The following NECAB2 variants were observed in gnomAD, a reference collection of about 807,000 sequenced individuals.
NECAB2 encodes N-terminal EF-hand calcium binding protein 2.
In NECAB2, 68 loss-of-function variants were observed where a neutral mutation model predicts 51.9. That is an observed-to-expected ratio of 1.31 (90% CI 1.08 to 1.60). The LOEUF (loss-of-function observed/expected upper bound fraction) is 1.60. Ranked by LOEUF, NECAB2 falls within the 40% of genes most tolerant of loss-of-function variation. The pLI is 0.00. For missense variants in NECAB2, 854 were observed against 490.3 expected (o/e 1.74, Z -7.00); for synonymous variants, 329 against 203.5 (o/e 1.62, Z -5.25).
At chr16:83,972,551 C>T (rs1051177555) in intron 2 of NECAB2, among the ~76,000 whole-genome samples, 5 of 152,232 alleles carry the variant, frequency 3.3e-5, no homozygotes, top group African/African-American at 7.2e-5. Flanking sequence ...GCCAGCCTCA[C>T]GCTAGGCCCT....
rs149816091 is a variant in NECAB2 at position 83,991,427 on chromosome 16, C to T, written c.596+797C>T. On this transcript the variant is annotated intron_variant, in intron 6 of 12. Transcript: ENST00000305202. ...TGTCACCCAGGCTGGAGTGCAGTGG[C>T]GAGATCTCAGCTCACTGCAACGTCC... Among the ~76,000 whole-genome samples the T allele has an allele frequency of 4.8e-3, 659 of 138,458 alleles. 7 individuals carry two copies. Among genetic ancestry groups the T allele is most frequent in the African/African-American group, 0.018 (631 of 34,718 alleles). The allele number at this position is 138,458 out of a possible 152,430, so 90.8% of individuals were successfully genotyped here.
In NECAB2 at chr16:84,001,845, G is replaced by C; in HGVS notation, c.1061G>C (p.Cys354Ser). 6.2e-7 allele frequency: 1 copy of C among 1,614,120 alleles called. No individual in the cohort carries two copies. Among genetic ancestry groups the C allele is most frequent in the Non-Finnish European group, 8.5e-7 (1 of 1,179,984 alleles). Residue 354 changes from cysteine (C) to serine (S), a missense_variant, in exon 12 of 13, where the codon TGT (cysteine) becomes TCT (serine). Transcript: ENST00000305202. Reference sequence around the variant, plus strand: ...CACAGGCACCTGCAGAGCCCCCTGTGTAAGGCGTTCCGGCACGTCAAGGTG... The same window carrying C: ...CACAGGCACCTGCAGAGCCCCCTGTCTAAGGCGTTCCGGCACGTCAAGGTG... ...AWKRHLQSPLCKAFRHVKVDT... is the reference protein window; with the variant it reads ...AWKRHLQSPLSKAFRHVKVDT...
At chr16:83,965,509 C>T (rs371152968), upstream of NECAB2, 8 of 1,612,098 alleles carry the variant, frequency 5.0e-6, no homozygotes, top group Non-Finnish European at 6.8e-6. Context: ...TCCCGGTGAT[C>T]CATGCCTTCC....
In NECAB2 at chr16:84,002,422, G is replaced by A; in HGVS notation, c.*76G>A. On this transcript the variant is annotated 3_prime_UTR_variant, in exon 13 of 13. Coordinates refer to ENST00000305202, the MANE Select transcript of NECAB2 (RefSeq NM_019065.3). ...AGGAAATCCCGTTTTTTTCTAGACA[G>A]ACACTTTGGTGCAGAAGCTTCTTTT... The A allele has an allele frequency of 6.5e-7, 1 of 1,532,492 alleles. No individual in the cohort carries two copies. The highest frequency in any genetic ancestry group is 1.1e-5 in the South Asian group (1 of 89,406). 94.9% of individuals were successfully genotyped at this position (1,532,492 alleles called of 1,614,324 possible).
Position 83,977,765 on chromosome 16 carries a change from C to T in NECAB2, c.227-679C>T, listed in dbSNP as rs965691360. 2.0e-4 allele frequency among the ~76,000 whole-genome samples: 30 copies of T among 152,352 alleles called. 1 individual carries two copies. In the South Asian group the frequency reaches 3.9e-3, roughly 20 times the overall value. On this transcript the variant is annotated intron_variant, in intron 2 of 12. Coordinates refer to ENST00000305202, the MANE Select transcript of NECAB2 (RefSeq NM_019065.3). ...CCTCATGCCGGCCATTGGCAGCCAT[C>T]TCATGCTGCCTCAGGGAAGGACCTG... is the stretch of plus-strand genomic sequence containing the variant.
chr16:83,990,940 G>A (rs1242798873), intron 6 of NECAB2, among the ~76,000 whole-genome samples: 1 of 152,080 alleles, frequency 6.6e-6, no homozygotes, highest in Non-Finnish European at 1.5e-5. Context: ...CATGCTAATT[G>A]TTTATGCAGA....
At chr16:83,998,717 A>C (rs1197329340) in intron 10 of NECAB2, among the ~76,000 whole-genome samples, 1 of 152,184 alleles carries the variant, frequency 6.6e-6, no homozygotes, top group East Asian at 1.9e-4. Flanking sequence ...CAGGCCCAGA[A>C]TGTAGTATTT....
At chr16:83,999,518 C>T (rs1374633013) in intron 10 of NECAB2, among the ~76,000 whole-genome samples, 1 of 151,986 alleles carries the variant, frequency 6.6e-6, no homozygotes, top group African/African-American at 2.4e-5. Flanking sequence ...GGAGGTGTGT[C>T]CACCCCAAGA....
chr16:83,981,373 C>T (rs1262113249), intron 5 of NECAB2, among the ~76,000 whole-genome samples: 2 of 148,812 alleles, frequency 1.3e-5, no homozygotes, highest in African/African-American at 4.9e-5. Context: ...GGGCTGGGGC[C>T]TTAGAAAGGG....
chr16:83,991,954 C>G (rs1013615087), intron 6 of NECAB2, among the ~76,000 whole-genome samples: 1 of 152,076 alleles, frequency 6.6e-6, no homozygotes, highest in African/African-American at 2.4e-5. Context: ...CACACCCCAG[C>G]CCACTTTTGA....
Position 83,990,501 on chromosome 16 carries a change from A to C in NECAB2, c.467A>C (p.Glu156Ala). Residue 156 changes from glutamate (E) to alanine (A), a missense_variant, in exon 6 of 13, where the codon GAG becomes GCG. Coordinates refer to ENST00000305202, the MANE Select transcript of NECAB2 (RefSeq NM_019065.3). ...CTTCTCTTCCTTCCACAGGTATATG[A>C]GGGTGGGAGCAACGTGGACCAGTTT... ...KAMGYTKKVY[E>A]GGSNVDQFVT... The C allele has an allele frequency of 6.2e-7, 1 of 1,613,892 alleles. No individual in the cohort carries two copies. The highest frequency in any genetic ancestry group is 8.5e-7 in the Non-Finnish European group (1 of 1,179,966).
chr16:84,000,058 A>AT lies in NECAB2; in HGVS notation c.963-652dup, dbSNP rs780319058. Among the ~76,000 whole-genome samples, 577 of 118,120 alleles carry AT rather than the reference A, an allele frequency of 4.9e-3. 5 individuals carry two copies. The highest frequency in any genetic ancestry group is 0.02 in the Middle Eastern group (5 of 256). 77.5% of individuals were successfully genotyped at this position (118,120 alleles called of 152,430 possible). ...TGTGCCACCAGGCCCAGCAAGTTTTATTTTTTTTTTTTTTAAAGAGACAGT... is the reference window on the plus strand; with the variant it reads ...TGTGCCACCAGGCCCAGCAAGTTTTATTTTTTTTTTTTTTTAAAGAGACAGT... On this transcript the variant is annotated intron_variant, in intron 10 of 12. Transcript: ENST00000305202.
At chr16:83,998,930 G>A (rs141713090) in intron 10 of NECAB2, among the ~76,000 whole-genome samples, 3 of 152,186 alleles carry the variant, frequency 2.0e-5, no homozygotes, top group Admixed American at 2.0e-4. Flanking sequence ...GAGTGGAGGG[G>A]GTTGCAGAAG....
intron 8 of NECAB2, among the ~76,000 whole-genome samples, chr16:83,995,878 G>A (rs897007679): frequency 6.6e-6 from 1 of 152,196 alleles, no homozygotes; most frequent in Non-Finnish European, 1.5e-5. Context: ...GGGACCCCGT[G>A]GCCCGGTTGT....
At chr16:83,996,746 G>A (rs1567677278) in intron 8 of NECAB2, among the ~76,000 whole-genome samples, 1 of 152,174 alleles carries the variant, frequency 6.6e-6, no homozygotes, top group Non-Finnish European at 1.5e-5. Context: ...GAACAGAGCA[G>A]ATGTGGTTCC....
At chr16:83,984,795 T>C (rs551149167) in intron 5 of NECAB2, among the ~76,000 whole-genome samples, 40 of 152,320 alleles carry the variant, frequency 2.6e-4, no homozygotes, top group African/African-American at 9.4e-4. Flanking sequence ...TTTTCTACAT[T>C]TTAAAACCTT....
chr16:83,965,458 G>T (rs755228806), upstream of NECAB2: 2 of 1,601,194 alleles, frequency 1.2e-6, no homozygotes, highest in South Asian at 2.2e-5. Flanking sequence ...GCGCGGGGCT[G>T]TCAGCGGCCG....
At chr16:83,982,763 G>T (rs113340226) in intron 5 of NECAB2, among the ~76,000 whole-genome samples, 1 of 152,164 alleles carries the variant, frequency 6.6e-6, no homozygotes, top group African/African-American at 2.4e-5. Context: ...AGTCATGTGC[G>T]TATGATGTCA....
At chr16:83,996,661 G>A (rs553464330) in intron 8 of NECAB2, among the ~76,000 whole-genome samples, 11 of 152,264 alleles carry the variant, frequency 7.2e-5, no homozygotes, top group African/African-American at 2.2e-4. Context: ...CTTCAGAGCC[G>A]GGGTTCTCTG....
Sources: allele counts gnomAD v4.1 joint callset (sites outside exome capture counted in the v4.1 genomes callset), GRCh38; gene constraint gnomAD v4.1.1; transcripts MANE v1.5; gene names NCBI Gene and HGNC (gene_info 2026-07-23, HGNC 2026-07-21).